MAST2: variants seen among roughly 807,000 people sequenced by gnomAD.
MAST2 encodes microtubule-associated serine/threonine-protein kinase 2.
MAST2 carries 70 observed loss-of-function variants against 147.4 expected under a neutral mutation model. That is an observed-to-expected ratio of 0.47 (90% CI 0.39 to 0.58). The LOEUF is 0.58. MAST2 is among the 20% of genes least tolerant of loss of function. The pLI is 0.00. For missense variants in MAST2, 2,080 were observed against 2,302.3 expected (o/e 0.90, Z 1.98); for synonymous variants, 869 against 896.8 (o/e 0.97, Z 0.55).
chr1:46,001,567 A>C (rs1645275437), intron 6 of MAST2, among the ~76,000 whole-genome samples: 1 of 152,178 alleles, frequency 6.6e-6, no homozygotes. Flanking sequence ...ATGTCTGAGC[A>C]CCTTCCTGGA....
At chr1:46,028,216 C>T (rs1167454303) in intron 17 of MAST2, among the ~76,000 whole-genome samples, 3 of 152,216 alleles carry the variant, frequency 2.0e-5, no homozygotes, top group East Asian at 1.9e-4. Flanking sequence ...TCATCTTCCT[C>T]CTCAGGGTTT....
intron 4 of MAST2, among the ~76,000 whole-genome samples, chr1:45,935,917 C>G (rs1038715097): frequency 3.3e-5 from 5 of 152,208 alleles, no homozygotes; most frequent in African/African-American, 4.8e-5. Flanking sequence ...ATAGTTTTCT[C>G]TAACTCTGTG....
chr1:45,985,436 G>T (rs183316376), intron 5 of MAST2, among the ~76,000 whole-genome samples: 1 of 152,106 alleles, frequency 6.6e-6, no homozygotes, highest in African/African-American at 2.4e-5. Context: ...CCATCATCAC[G>T]ATCAAAATTG....
intron 5 of MAST2, among the ~76,000 whole-genome samples, chr1:45,995,980 C>T (rs2149145631): frequency 6.6e-6 from 1 of 152,120 alleles, no homozygotes; most frequent in Non-Finnish European, 1.5e-5. Context: ...GCAAAATGGT[C>T]CGCCATTATT....
intron 4 of MAST2, among the ~76,000 whole-genome samples, chr1:45,939,994 T>TTTTTTTTC (rs1656977376): frequency 7.1e-6 from 1 of 139,924 alleles, no homozygotes; most frequent in Non-Finnish European, 1.5e-5. Flanking sequence ...TTTTTTTTTT[T>TTTTTTTTC]TTTTTTTGAG....
At chr1:45,947,145 G>A (rs1278710891) in intron 4 of MAST2, among the ~76,000 whole-genome samples, 1 of 151,902 alleles carries the variant, frequency 6.6e-6, no homozygotes, top group Non-Finnish European at 1.5e-5. Context: ...CCAAATAAAG[G>A]GATAATAATA....
chr1:45,999,117 C>A (rs926281642), intron 6 of MAST2, among the ~76,000 whole-genome samples: 1 of 152,088 alleles, frequency 6.6e-6, no homozygotes, highest in Non-Finnish European at 1.5e-5. Flanking sequence ...CAATGATAAC[C>A]CAAAATAAAT....
At chr1:46,032,481 C>T (rs986862126) in intron 25 of MAST2, 77 bp downstream of exon 25, 4 of 1,597,696 alleles carry the variant, frequency 2.5e-6, no homozygotes, top group African/African-American at 1.3e-5. Context: ...GCCCATCTGT[C>T]CCTGCTCGGG....
At chr1:46,015,601 T>A (rs956833247) in intron 10 of MAST2, among the ~76,000 whole-genome samples, 1 of 152,094 alleles carries the variant, frequency 6.6e-6, no homozygotes, top group African/African-American at 2.4e-5. Context: ...CCTCGACACA[T>A]ACACCCTCCC....
At chr1:45,827,642 CCAT>C (rs1403319764) in intron 2 of MAST2, among the ~76,000 whole-genome samples, 3 of 147,562 alleles carry the variant, frequency 2.0e-5, no homozygotes, top group Admixed American at 7.0e-5. Flanking sequence ...GAGCAGAACA[CCAT>C]CATCATCATC....
At chr1:45,840,947 G>A (rs4298677) in intron 3 of MAST2, among the ~76,000 whole-genome samples, 50,378 of 152,042 alleles carry the variant, frequency 0.33, 8,627 homozygotes, top group African/African-American at 0.41. Flanking sequence ...ATGCTAACTG[G>A]TTCATTAATC....
chr1:46,011,013 G>T, intron 10 of MAST2, 74 bp downstream of exon 10: 1 of 1,263,708 alleles, frequency 7.9e-7, no homozygotes, highest in Non-Finnish European at 1.1e-6. Context: ...GCTAAGATTA[G>T]GGCATTAGTG....
intron 4 of MAST2, among the ~76,000 whole-genome samples, chr1:45,929,008 G>C (rs1557920651): frequency 6.6e-6 from 1 of 152,016 alleles, no homozygotes; most frequent in Non-Finnish European, 1.5e-5. Context: ...GTTTGGTTGG[G>C]TTGAGGGGGT....
chr1:45,907,478 T>G (rs920179917), intron 4 of MAST2, among the ~76,000 whole-genome samples: 6 of 151,928 alleles, frequency 3.9e-5, no homozygotes, highest in South Asian at 2.1e-4. Flanking sequence ...TTTTTTTTTT[T>G]TGAGAGAGTC....
chr1:45,864,962 C>T (rs1646095718), intron 3 of MAST2: 2 of 357,922 alleles, frequency 5.6e-6, no homozygotes, highest in Admixed American at 3.6e-5. Flanking sequence ...TATACTTACG[C>T]TGGACAGAGG....
chr1:46,024,861 A>G (rs1646337180), intron 15 of MAST2, among the ~76,000 whole-genome samples: 1 of 152,204 alleles, frequency 6.6e-6, no homozygotes, highest in Admixed American at 6.5e-5. Flanking sequence ...CATGCTGCTA[A>G]TAAAGGCATA....
At chr1:45,827,989 G>A (rs1644844024) in intron 2 of MAST2, among the ~76,000 whole-genome samples, 1 of 151,774 alleles carries the variant, frequency 6.6e-6, no homozygotes, top group Non-Finnish European at 1.5e-5. Flanking sequence ...ACACCACCAT[G>A]CCTGGCTAAT....
Position 45,864,334 on chromosome 1 carries a change from T to C in MAST2, c.469-18030T>C, listed in dbSNP as rs567456344. Among the ~76,000 whole-genome samples, 123 of 152,302 alleles carry C rather than the reference T, an allele frequency of 8.1e-4. 1 individual carries two copies. Among genetic ancestry groups the C allele is most frequent in the Admixed American group, 9.2e-4 (14 of 15,298 alleles). ...TGCTCAGAACTCACAACACGTGGACTAGCCCCCTCCTGCACATAAAAGAGC... is the reference window on the plus strand; with the variant it reads ...TGCTCAGAACTCACAACACGTGGACCAGCCCCCTCCTGCACATAAAAGAGC... On this transcript the variant is annotated intron_variant, in intron 3 of 28. Coordinates refer to ENST00000361297, the MANE Select transcript of MAST2 (RefSeq NM_015112.3).
At chr1:45,977,588 A>G (rs1644221245) in intron 5 of MAST2, among the ~76,000 whole-genome samples, 1 of 152,042 alleles carries the variant, frequency 6.6e-6, no homozygotes, top group Admixed American at 6.6e-5. Context: ...TCACAAGGTC[A>G]AGAGATCGAG....
Sources: allele counts gnomAD v4.1 joint callset (sites outside exome capture counted in the v4.1 genomes callset), GRCh38; gene constraint gnomAD v4.1.1; transcripts MANE v1.5; gene names NCBI Gene and HGNC (gene_info 2026-07-23, HGNC 2026-07-21).